SMC6: variants seen among roughly 807,000 people sequenced by gnomAD.
The protein encoded by SMC6 is structural maintenance of chromosomes 6, also known as structural maintenance of chromosomes protein 6.
A neutral mutation model predicts 142.2 loss-of-function variants in SMC6; 79 were observed. That is an observed-to-expected ratio of 0.56 (90% confidence interval 0.46 to 0.67). The LOEUF is 0.67. SMC6 is among the 30% of genes least tolerant of loss of function. The pLI, the probability that SMC6 is intolerant of heterozygous loss-of-function variation, is 0.00. For missense variants in SMC6, 1,072 were observed against 1,284.0 expected, an observed-to-expected ratio of 0.83 and a Z score of 2.52; for synonymous variants, 411 against 412.4, an observed-to-expected ratio of 1.00 and a Z score of 0.04.
chr2:17,746,945 A>T (rs908723770), intron 2 of SMC6, among the ~76,000 whole-genome samples: 1 of 152,094 alleles, frequency 6.6e-6, no homozygotes, highest in Non-Finnish European at 1.5e-5. Context: ...GACCACAGCA[A>T]CCCTCTCCAT....
chr2:17,726,087 TAAA>T (rs35471536), intron 8 of SMC6, among the ~76,000 whole-genome samples: 848 of 54,904 alleles, frequency 0.015, 13 homozygotes, highest in African/African-American at 0.07. Context: ...GGCTCTGTCT[TAAA>T]AAAAAAAAAA....
Position 17,703,345 on chromosome 2 carries a change from A to T in SMC6, c.2007-53T>A. On this transcript the variant is annotated intron_variant, in intron 18 of 27. Transcript: ENST00000448223. ...TACTTTAAATCTTTTTCTCAATATT[A>T]CAAATACTTTAGACCTTTACAAAGA... 2.0e-6 allele frequency: 3 copies of T among 1,515,662 alleles called. No homozygotes were observed. The East Asian group carries it at 6.9e-5, about 35-fold the overall frequency. 93.9% of individuals were successfully genotyped at this position (1,515,662 alleles called of 1,614,324 possible).
chr2:17,665,826 T>C (rs192634478), intron 27 of SMC6, among the ~76,000 whole-genome samples: 1 of 152,336 alleles, frequency 6.6e-6, no homozygotes, highest in Admixed American at 6.5e-5. Flanking sequence ...TCCCATGGGT[T>C]TTCAGTTTGG....
At chr2:17,718,682 A>G (rs1241874615) in intron 11 of SMC6, among the ~76,000 whole-genome samples, 1 of 152,224 alleles carries the variant, frequency 6.6e-6, no homozygotes, top group Admixed American at 6.5e-5. Flanking sequence ...GTACCAGGAA[A>G]TAAGTTGAGG....
rs756759148 is a variant in SMC6, at chr2:17,696,384, G to A, written c.2437C>T (p.Arg813Ter). The A allele has an allele frequency of 3.7e-6, 6 of 1,610,562 alleles. No individual in the cohort carries two copies. The highest frequency in any genetic ancestry group is 1.7e-5 in the Admixed American group (1 of 59,184). Residue 813 changes from arginine (R) to a stop codon, truncating the protein, a stop_gained, in exon 22 of 28, where the codon CGA becomes TGA. Coordinates refer to ENST00000448223, the MANE Select transcript of SMC6 (RefSeq NM_001142286.2). LOFTEE classifies it high-confidence loss of function. ...TTTTCTTCATAATGTCGTTTCCCTC[G>A]TTTTTGGTTATCCACTTCAGAATCA... ...LADSEVDNQK[R>*]GKRHYEEKQK...
At chr2:17,678,779 A>G (rs1667113178) in intron 25 of SMC6, 80 bp downstream of exon 25, 1 of 1,095,444 alleles carries the variant, frequency 9.1e-7, no homozygotes, top group Admixed American at 2.4e-5. Flanking sequence ...CTGCCTCTAA[A>G]AAAAACCCAA....
At chr2:17,680,400 C>A (rs923602195) in intron 24 of SMC6, 1 of 152,108 alleles carries the variant, frequency 6.6e-6, no homozygotes, top group Non-Finnish European at 1.5e-5. Context: ...TTGACTTCCT[C>A]CCATGAATCA....
At chr2:17,666,542 G>C (rs1473909408) in intron 26 of SMC6, 25 bp from the exon 27 acceptor site, 2 of 1,537,896 alleles carry the variant, frequency 1.3e-6, no homozygotes, top group East Asian at 2.3e-5. Flanking sequence ...CAAAAGTTAG[G>C]ATTGCTATTG....
chr2:17,734,035 A>G (rs1670029591), intron 5 of SMC6, among the ~76,000 whole-genome samples: 2 of 152,218 alleles, frequency 1.3e-5, no homozygotes, highest in African/African-American at 4.8e-5. Flanking sequence ...CATAGTGCAC[A>G]CACACAGAAG....
intron 18 of SMC6, among the ~76,000 whole-genome samples, chr2:17,706,492 C>T (rs1034912136): frequency 6.7e-6 from 1 of 149,294 alleles, no homozygotes; most frequent in African/African-American, 2.5e-5. Flanking sequence ...TTCCCCTACA[C>T]ATACAAGTCA....
chr2:17,742,000 G>A (rs1189285369), intron 3 of SMC6, among the ~76,000 whole-genome samples: 1 of 152,140 alleles, frequency 6.6e-6, no homozygotes, highest in Non-Finnish European at 1.5e-5. Flanking sequence ...TTTTGTTAGT[G>A]GAGGGGGTTT....
At chr2:17,720,854 G>C in intron 11 of SMC6, 86 bp downstream of exon 11, 1 of 1,122,852 alleles carries the variant, frequency 8.9e-7, no homozygotes, top group Middle Eastern at 2.9e-4. Flanking sequence ...GTCTGAAACT[G>C]ATGGTTTGGT....
rs1261949649 is a variant in SMC6 at position 17,731,797 on chromosome 2, A to G, written c.425T>C (p.Ile142Thr). 6 of 1,613,714 alleles carry G rather than the reference A, an allele frequency of 3.7e-6. No homozygotes were observed. The highest frequency in any genetic ancestry group is 2.7e-5 in the African/African-American group (2 of 74,906). The change falls in exon 6 of 28, where the codon ATA (isoleucine) becomes ACA (threonine). Residue 142 changes from isoleucine to threonine, a missense_variant. Ile to Thr is a moderately conservative substitution (Grantham distance 89). Around this residue, in one of 3 missense-constraint regions of SMC6, gnomAD observed 994 missense variants for 1,153.2 expected, o/e 0.86. Transcript: ENST00000448223. ...TCCATCTATGCTGATGTGTTGCTGT[A>G]TAAGTATAGAGTTACCATACACACT... is the stretch of plus-strand genomic sequence containing the variant. ...KASVYGNSIL[I>T]QQHISIDGSR...
At chr2:17,740,792 T>C (rs76952688) in intron 4 of SMC6, 19 of 414,088 alleles carry the variant, frequency 4.6e-5, no homozygotes, top group South Asian at 2.0e-4. Flanking sequence ...AGAGGTTGCA[T>C]TGAGCCGAGA....
chr2:17,714,856 C>T lies in SMC6; in HGVS notation c.1730+5G>A, dbSNP rs1345534383. 3 of 1,610,902 alleles carry T rather than the reference C, an allele frequency of 1.9e-6. No homozygotes were observed. In the East Asian group the frequency reaches 6.7e-5, roughly 36 times the overall value. ...CAGAAACATATTCAATTACTAATGCCTTACCTGTGTCTTACATCATATATC... is the reference window on the plus strand; with the variant it reads ...CAGAAACATATTCAATTACTAATGCTTTACCTGTGTCTTACATCATATATC... On this transcript the variant is annotated splice_donor_5th_base_variant and intron_variant, in intron 16 of 27. Transcript: ENST00000448223.
chr2:17,673,342 A>G (rs1377932134), intron 25 of SMC6, among the ~76,000 whole-genome samples: 5 of 151,954 alleles, frequency 3.3e-5, no homozygotes, highest in South Asian at 2.1e-4. Flanking sequence ...TTATCACTTA[A>G]TGTTACTTTT....
intron 26 of SMC6, among the ~76,000 whole-genome samples, chr2:17,669,421 T>A (rs1198228504): frequency 6.6e-6 from 1 of 152,090 alleles, no homozygotes; most frequent in Non-Finnish European, 1.5e-5. Flanking sequence ...CTGTGATATG[T>A]GTATATTTGT....
chr2:17,735,245 A>G (rs1234944135), intron 5 of SMC6, among the ~76,000 whole-genome samples: 1 of 152,166 alleles, frequency 6.6e-6, no homozygotes. Context: ...ATAGAGCCCA[A>G]TGAGTGAAAA....
chr2:17,752,405 T>G (rs1671089917), intron 2 of SMC6, among the ~76,000 whole-genome samples: 1 of 152,184 alleles, frequency 6.6e-6, no homozygotes, highest in African/African-American at 2.4e-5. Flanking sequence ...CTGAAATATT[T>G]TCAGTCCCTT....
Sources: allele counts gnomAD v4.1 joint callset (sites outside exome capture counted in the v4.1 genomes callset), GRCh38; gene constraint gnomAD v4.1.1; regional missense constraint gnomAD v4.1.1; transcripts MANE v1.5; gene names NCBI Gene and HGNC (gene_info 2026-07-23, HGNC 2026-07-21).